Variants in ABTB2 observed in about 807,000 individuals in gnomAD.
ABTB2 encodes ankyrin repeat and BTB/POZ domain-containing protein 2.
A neutral mutation model predicts 104.1 loss-of-function variants in ABTB2; 56 were observed. The observed-to-expected ratio is 0.54, with a 90% CI of 0.43 to 0.67. The LOEUF is 0.67. Ranked by LOEUF, ABTB2 falls within the 30% of genes least tolerant of loss-of-function variation. ABTB2 has a pLI of 0.00. For synonymous variants in ABTB2, 606 were observed against 608.2 expected (o/e 1.00, Z 0.05); for missense variants, 1,279 against 1,407.7 (o/e 0.91, Z 1.46).
rs79227775 is a variant in ABTB2, at chr11:34,354,003, G to T, written c.883+2698C>A. Among the ~76,000 whole-genome samples the T allele has an allele frequency of 3.0e-3, 457 of 152,304 alleles. 3 individuals carry two copies. Among genetic ancestry groups the T allele is most frequent in the African/African-American group, 0.011 (441 of 41,556 alleles). On this transcript the variant is annotated intron_variant, in intron 1 of 16. Transcript: ENST00000435224. ...TGCTTCCCTCTGAAGCCAGCTTTCA[G>T]ACATAAGTAATTCATTGCCCCTCTA...
chr11:34,297,817 A>G (rs1854642926), intron 1 of ABTB2, among the ~76,000 whole-genome samples: 1 of 151,572 alleles, frequency 6.6e-6, no homozygotes, highest in Non-Finnish European at 1.5e-5. Context: ...AAAAAAACAA[A>G]ATTCAGGTGT....
intron 3 of ABTB2, among the ~76,000 whole-genome samples, chr11:34,194,912 G>A (rs1411918643): frequency 6.6e-6 from 1 of 151,800 alleles, no homozygotes; most frequent in African/African-American, 2.4e-5. Flanking sequence ...AAATGGCTAC[G>A]TAAACACATG....
chr11:34,157,212 C>A (rs1852640376), intron 14 of ABTB2, among the ~76,000 whole-genome samples: 2 of 152,230 alleles, frequency 1.3e-5, no homozygotes, highest in African/African-American at 4.8e-5. Context: ...TGAAATGATG[C>A]CCTGGATATG....
chr11:34,169,186 G>C (rs1030777515), intron 5 of ABTB2, among the ~76,000 whole-genome samples: 11 of 152,106 alleles, frequency 7.2e-5, no homozygotes, highest in African/African-American at 2.7e-4. Context: ...CCACACATCT[G>C]TATACAATTT....
At chr11:34,153,413 C>T (rs1352186688) in intron 16 of ABTB2, among the ~76,000 whole-genome samples, 2 of 152,108 alleles carry the variant, frequency 1.3e-5, no homozygotes, top group Non-Finnish European at 2.9e-5. Flanking sequence ...CTTGCTCTTG[C>T]CCAAGCTGGA....
chr11:34,350,697 T>C (rs187119707), intron 1 of ABTB2, among the ~76,000 whole-genome samples: 73 of 152,350 alleles, frequency 4.8e-4, no homozygotes, highest in Admixed American at 8.5e-4. Flanking sequence ...CTGGACACCA[T>C]AGGCCATTAA....
rs1334021997 is a variant in ABTB2, at chr11:34,160,288, G to A, written c.2463C>T (p.Pro821=). 6.2e-7 allele frequency: 1 copy of A among 1,614,054 alleles called. No homozygotes were observed. Among genetic ancestry groups the A allele is most frequent in the Non-Finnish European group, 8.5e-7 (1 of 1,180,014 alleles). The change falls in exon 12 of 17, where the codon CCC becomes CCT. Residue 821 remains proline (P), a synonymous_variant. Coordinates refer to ENST00000435224, the MANE Select transcript of ABTB2 (RefSeq NM_145804.3). Reference sequence around the variant, plus strand: ...GGGTCTTCCGGATCTCTGGGATGCTGGGGATGGGACTGCTGCCATAGCAGT... The same window carrying A: ...GGGTCTTCCGGATCTCTGGGATGCTAGGGATGGGACTGCTGCCATAGCAGT... ...FTHCYGSSPI[P]SIPEIRKTLP... is the part of the protein sequence containing the mutation.
intron 1 of ABTB2, among the ~76,000 whole-genome samples, chr11:34,269,384 C>A (rs1353002818): frequency 6.6e-6 from 1 of 152,190 alleles, no homozygotes; most frequent in Non-Finnish European, 1.5e-5. Context: ...TTGGGCCACC[C>A]ATTTGCAGTA....
chr11:34,356,888 G>A lies in ABTB2; in HGVS notation c.696C>T (p.Thr232=), dbSNP rs771448246. Residue 232 remains threonine, a synonymous_variant, in exon 1 of 17, where the codon ACC becomes ACT. Transcript: ENST00000435224. The surrounding 1 kb of genome is among the most constrained non-coding windows in gnomAD (Gnocchi z 4.6). ...CCTCCACCAGGTTCTCCATGCAGGCGGTGAGGGAGATGGCTGCGTACTCGT... is the reference window on the plus strand; with the variant it reads ...CCTCCACCAGGTTCTCCATGCAGGCAGTGAGGGAGATGGCTGCGTACTCGT... ...RIHEYAAISL[T]ACMENLVEEI... The A allele has an allele frequency of 6.2e-7, 1 of 1,604,326 alleles. No homozygotes were observed.
At chr11:34,255,351 G>A (rs961266976) in intron 1 of ABTB2, among the ~76,000 whole-genome samples, 4 of 152,126 alleles carry the variant, frequency 2.6e-5, no homozygotes, top group Admixed American at 2.6e-4. Context: ...AATGCACCCA[G>A]CAGAGAACGG....
chr11:34,170,845 G>C, intron 5 of ABTB2, 61 bp downstream of exon 5: 9 of 1,575,506 alleles, frequency 5.7e-6, no homozygotes, highest in Non-Finnish European at 7.8e-6. Context: ...GCCAATGCTG[G>C]GAGCTGAGAA....
At chr11:34,348,792 C>G (rs926138307) in intron 1 of ABTB2, among the ~76,000 whole-genome samples, 9 of 152,188 alleles carry the variant, frequency 5.9e-5, no homozygotes, top group African/African-American at 1.9e-4. Context: ...GAAGACTAGA[C>G]AGTGGAGTCT....
intron 1 of ABTB2, among the ~76,000 whole-genome samples, chr11:34,350,290 C>A (rs1855382085): frequency 6.6e-6 from 1 of 152,124 alleles, no homozygotes; most frequent in Non-Finnish European, 1.5e-5. Flanking sequence ...GACAGGTGCA[C>A]CAAGCTCCCC....
Position 34,154,473 on chromosome 11 carries a change from C to T in ABTB2, c.2767-95G>A. ...AAGCTCCCGAGTGCCGTGTGCCCTGCTGCCTCCACCCTCAGGCCCCACTAC... is the reference window on the plus strand; with the variant it reads ...AAGCTCCCGAGTGCCGTGTGCCCTGTTGCCTCCACCCTCAGGCCCCACTAC... On this transcript the variant is annotated intron_variant, in intron 15 of 16. Coordinates refer to ENST00000435224, the MANE Select transcript of ABTB2 (RefSeq NM_145804.3). The surrounding 1 kb of genome is among the most constrained non-coding windows in gnomAD (Gnocchi z 4.9). The T allele has an allele frequency of 5.2e-6, 5 of 953,258 alleles. No homozygotes were observed. In the Admixed American group the frequency reaches 8.1e-5, roughly 15 times the overall value. 59.0% of individuals were successfully genotyped at this position (953,258 alleles called of 1,614,324 possible). A position where few individuals can be genotyped will look rare whatever the true frequency, so the allele number is the denominator to read the frequency against.
At chr11:34,341,783 A>G (rs914403620) in intron 1 of ABTB2, among the ~76,000 whole-genome samples, 3 of 152,182 alleles carry the variant, frequency 2.0e-5, no homozygotes, top group Non-Finnish European at 4.4e-5. Context: ...CTCAGTGTGA[A>G]CGGAAAAATA....
intron 1 of ABTB2, among the ~76,000 whole-genome samples, chr11:34,285,368 G>A (rs967724826): frequency 3.9e-5 from 6 of 152,280 alleles, no homozygotes; most frequent in Non-Finnish European, 7.4e-5. Flanking sequence ...GCAGGACCTA[G>A]TGCGTGCTTT....
At chr11:34,158,952 A>G (rs527792920) in intron 14 of ABTB2, among the ~76,000 whole-genome samples, 3 of 152,264 alleles carry the variant, frequency 2.0e-5, no homozygotes, top group South Asian at 2.1e-4. Context: ...ATTTCCAACA[A>G]GCTCTCAGTA....
At position 34,152,247 on chromosome 11, in the gene ABTB2, C is replaced by T. The variant is rs373145678; in HGVS notation, c.*140G>A. On this transcript the variant is annotated 3_prime_UTR_variant, in exon 17 of 17. Transcript: ENST00000435224. ...GCAGAGGAGATGAGGGTGAGCTGCC[C>T]GGTGACAGGGGGGACATCTGGGGGA... 7.4e-5 allele frequency: 69 copies of T among 930,832 alleles called. No homozygotes were observed. In the East Asian group the frequency reaches 8.0e-4, roughly 11 times the overall value. The allele number at this position is 930,832 out of a possible 1,614,324, so 57.7% of individuals were successfully genotyped here.
At chr11:34,236,135 G>A (rs1477167789) in intron 1 of ABTB2, among the ~76,000 whole-genome samples, 1 of 152,168 alleles carries the variant, frequency 6.6e-6, no homozygotes, top group Non-Finnish European at 1.5e-5. Flanking sequence ...CTTGTTGGCA[G>A]AGGGAGATTA....
Sources: gnomAD v4.1 joint callset for allele counts (sites outside exome capture counted in the v4.1 genomes callset) on GRCh38, gnomAD v4.1.1 for gene constraint, Gnocchi (gnomAD v3.1) non-coding constraint, MANE v1.5 for transcripts, NCBI Gene and HGNC (gene_info 2026-07-23, HGNC 2026-07-21) for gene names.